The following SIDT1 variants were observed in gnomAD, a reference collection of about 807,000 sequenced individuals.
The protein encoded by SIDT1 is SID1 transmembrane family member 1, also known as SID1 transmembrane family, member 1.
In SIDT1, 101 loss-of-function variants were observed where a neutral mutation model predicts 107.5. That is an observed-to-expected ratio of 0.94 (90% CI 0.80 to 1.11). SIDT1 has a LOEUF of 1.11. SIDT1 is among the 50% of genes least tolerant of loss of function. SIDT1 has a pLI of 0.00. For missense variants in SIDT1, 1,076 were observed against 1,058.2 expected, an observed-to-expected ratio of 1.02 and a Z score of -0.23; for synonymous variants, 395 against 398.2, an observed-to-expected ratio of 0.99 and a Z score of 0.10.
chr3:113,555,321 T>C (rs932848643), intron 1 of SIDT1, among the ~76,000 whole-genome samples: 1 of 152,218 alleles, frequency 6.6e-6, no homozygotes, highest in African/African-American at 2.4e-5. Flanking sequence ...GGCTTGCTCA[T>C]TGGCATCCTG....
chr3:113,618,363 A>C (rs1946243628), intron 20 of SIDT1, among the ~76,000 whole-genome samples: 2 of 152,216 alleles, frequency 1.3e-5, no homozygotes, highest in Admixed American at 1.3e-4. Flanking sequence ...AGTGTGGGTA[A>C]TTATGAATAA....
chr3:113,554,553 C>A lies in SIDT1; in HGVS notation c.223-11867C>A, dbSNP rs551384219. On this transcript the variant is annotated intron_variant, in intron 1 of 24. Coordinates refer to ENST00000264852, the MANE Select transcript of SIDT1 (RefSeq NM_017699.3). ...CTCTCTTGCCTGCCACCATGCAAGA[C>A]GTGCCTTTGCTCCTCCTTTGCCTTC... 7.2e-5 allele frequency among the ~76,000 whole-genome samples: 11 copies of A among 152,306 alleles called. No individual in the cohort carries two copies. In the South Asian group the frequency reaches 1.2e-3, roughly 17 times the overall value.
chr3:113,538,165 T>C (rs991638397), intron 1 of SIDT1, among the ~76,000 whole-genome samples: 2 of 152,180 alleles, frequency 1.3e-5, no homozygotes, highest in African/African-American at 4.8e-5. Context: ...TATTTTCAAA[T>C]CCATCCTATT....
At chr3:113,536,139 C>T (rs187516674) in intron 1 of SIDT1, among the ~76,000 whole-genome samples, 6 of 152,304 alleles carry the variant, frequency 3.9e-5, no homozygotes, top group East Asian at 3.9e-4. Context: ...CTCTTTCAGG[C>T]GCTGGTTTGT....
rs1443808611 is a variant in SIDT1 at position 113,584,758 on chromosome 3, C to G, written c.896C>G (p.Pro299Arg). ...RKKNLEVTIV[P>R]SIKESVYVKS... is the part of the protein sequence containing the mutation. ...AAGAACCTTGAAGTGACCATTGTCC[C>G]TTCCATTAAAGGTCAGTGTTGGCTC... is the stretch of plus-strand genomic sequence containing the variant. The change falls in exon 8 of 25, where the codon CCT becomes CGT. Residue 299 changes from proline (P) to arginine (R), a missense_variant. By Grantham distance (103) the Pro-to-Arg change is moderately radical. Coordinates refer to ENST00000264852, the MANE Select transcript of SIDT1 (RefSeq NM_017699.3). 1 of 1,592,338 alleles carries G rather than the reference C, an allele frequency of 6.3e-7. No homozygotes were observed.
Position 113,626,105 on chromosome 3 carries a change from A to G in SIDT1, c.2311A>G (p.Thr771Ala). ...FFQNLSSWEG[T>A]PAESREKNRE... ...GTCCTGCCTCACCTTCCTCCAGGGAACTCCGGCCGAATCCCGGGAGAAGAA... is the reference window on the plus strand; with the variant it reads ...GTCCTGCCTCACCTTCCTCCAGGGAGCTCCGGCCGAATCCCGGGAGAAGAA... Residue 771 changes from threonine to alanine, a missense_variant, in exon 24 of 25, where the codon ACT becomes GCT. By Grantham distance (58) the Thr-to-Ala change is moderately conservative. Coordinates refer to ENST00000264852, the MANE Select transcript of SIDT1 (RefSeq NM_017699.3). 1 of 1,610,442 alleles carries G rather than the reference A, an allele frequency of 6.2e-7. No homozygotes were observed. Among genetic ancestry groups the G allele is most frequent in the Non-Finnish European group, 8.5e-7 (1 of 1,177,874 alleles).
intron 23 of SIDT1, among the ~76,000 whole-genome samples, chr3:113,624,121 C>T (rs1195036008): frequency 1.3e-5 from 2 of 152,170 alleles, no homozygotes; most frequent in African/African-American, 4.8e-5. Flanking sequence ...AGAGCCGAAG[C>T]CTAGGAAATT....
chr3:113,558,885 A>G (rs1382620334), intron 1 of SIDT1, among the ~76,000 whole-genome samples: 2 of 152,248 alleles, frequency 1.3e-5, no homozygotes, highest in Admixed American at 1.3e-4. Flanking sequence ...AAGATGTACA[A>G]ATAAAAATAC....
intron 20 of SIDT1, 43 bp downstream of exon 20, chr3:113,616,219 C>T (rs1393896598): frequency 8.9e-6 from 13 of 1,461,754 alleles, no homozygotes; most frequent in Non-Finnish European, 1.2e-5. Flanking sequence ...TCCCAGAAAG[C>T]AGGGGAATAG....
intron 1 of SIDT1, among the ~76,000 whole-genome samples, chr3:113,546,054 G>A (rs1939546840): frequency 6.6e-6 from 1 of 152,170 alleles, no homozygotes; most frequent in Non-Finnish European, 1.5e-5. Context: ...AAACAACTAA[G>A]AGGCAGAGCA....
chr3:113,577,851 A>T (rs1158286249), intron 4 of SIDT1, among the ~76,000 whole-genome samples: 2 of 152,210 alleles, frequency 1.3e-5, no homozygotes, highest in Admixed American at 6.5e-5. Flanking sequence ...TCAGAGAGAA[A>T]GCCCTGATTT....
chr3:113,602,694 A>G (rs1457355503), intron 11 of SIDT1: 1 of 210,464 alleles, frequency 4.8e-6, no homozygotes, highest in Non-Finnish European at 9.5e-6. Flanking sequence ...TTCATATTTT[A>G]ACATATGAAA....
Position 113,604,985 on chromosome 3 carries a change from T to TGCCCCA in SIDT1, c.1404+23_1404+28dup, listed in dbSNP as rs752277734. On this transcript the variant is annotated intron_variant, in intron 14 of 24. Coordinates refer to ENST00000264852, the MANE Select transcript of SIDT1 (RefSeq NM_017699.3). ...TCATTACCTATCAGACAGTAAGTGC[T>TGCCCCA]GCCCCAGCCCCAGCCCCAGAGTCCC... The TGCCCCA allele has an allele frequency of 2.1e-5, 34 of 1,613,816 alleles. No individual in the cohort carries two copies. The highest frequency in any genetic ancestry group is 5.0e-5 in the Admixed American group (3 of 60,020).
Position 113,601,655 on chromosome 3 carries a change from A to G in SIDT1, c.1113A>G (p.Thr371=), listed in dbSNP as rs759467226. 2 of 1,610,542 alleles carry G rather than the reference A, an allele frequency of 1.2e-6. No homozygotes were observed. Among genetic ancestry groups the G allele is most frequent in the Non-Finnish European group, 1.7e-6 (2 of 1,176,870 alleles). ...ASTPEGSNYG[T]IDESSSSPGR... ...CACCCGAAGGGAGCAATTATGGGAC[A>G]ATAGGTATGTCCTACCAGGTCTGTT... Residue 371 remains threonine, a synonymous_variant, in exon 11 of 25, where the codon ACA becomes ACG. Coordinates refer to ENST00000264852, the MANE Select transcript of SIDT1 (RefSeq NM_017699.3).
At chr3:113,541,430 A>G (rs1371779103) in intron 1 of SIDT1, among the ~76,000 whole-genome samples, 2 of 152,194 alleles carry the variant, frequency 1.3e-5, no homozygotes, top group Non-Finnish European at 2.9e-5. Flanking sequence ...TCGGTCTTCC[A>G]AAGTGCTGAG....
At chr3:113,636,519 C>G in the SIDT1 span, among the ~76,000 whole-genome samples, 1 of 152,216 alleles carries the variant, frequency 6.6e-6, no homozygotes, top group South Asian at 2.1e-4. Context: ...AGAAACTTCC[C>G]AAACCAGTAA....
chr3:113,559,991 G>A (rs1941277761), intron 1 of SIDT1, among the ~76,000 whole-genome samples: 1 of 152,132 alleles, frequency 6.6e-6, no homozygotes, highest in African/African-American at 2.4e-5. Context: ...AATAGTGATG[G>A]CAGCATATTC....
In SIDT1 at chr3:113,628,100, G is replaced by A. The variant is rs910284975; in HGVS notation, c.*392G>A. On this transcript the variant is annotated 3_prime_UTR_variant, in exon 25 of 25. Transcript: ENST00000264852. ...TCCAGTTGTCACCCTGCCCAGAAAG[G>A]CCAGCAGCTTGGACTTCCTGCCCAG... 56 of 189,774 alleles carry A rather than the reference G, an allele frequency of 3.0e-4. No individual in the cohort carries two copies. Among genetic ancestry groups the A allele is most frequent in the African/African-American group, 1.2e-3 (53 of 42,592 alleles). The allele number at this position is 189,774 out of a possible 1,614,324, so 11.8% of individuals were successfully genotyped here. A position where few individuals can be genotyped will look rare whatever the true frequency, so the allele number is the denominator to read the frequency against.
intron 1 of SIDT1, among the ~76,000 whole-genome samples, chr3:113,541,111 AATAT>A (rs10534213): frequency 0.63 from 94,371 of 149,004 alleles, 30,596 homozygotes; most frequent in Non-Finnish European, 0.72. Flanking sequence ...TCTTAGTTCT[AATAT>A]ATATATATAT....
Sources: gnomAD v4.1 joint callset for allele counts (sites outside exome capture counted in the v4.1 genomes callset) on GRCh38, gnomAD v4.1.1 for gene constraint, MANE v1.5 for transcripts, NCBI Gene and HGNC (gene_info 2026-07-23, HGNC 2026-07-21) for gene names.